The following TKTL1 variants were observed in gnomAD, a reference collection of about 807,000 sequenced individuals.
TKTL1 encodes the protein transketolase-like protein 1.
TKTL1 carries 1 observed loss-of-function variant against 39.3 expected under a neutral mutation model. The ratio of observed to expected loss-of-function variants is 0.03; its 90% CI spans 0.01 to 0.12. TKTL1 has a LOEUF of 0.12. Ranked by LOEUF, TKTL1 falls within the 10% of genes least tolerant of loss-of-function variation. The pLI, the probability that TKTL1 is intolerant of heterozygous loss-of-function variation, is 1.00. For synonymous variants in TKTL1, 262 were observed against 193.8 expected (o/e 1.35, Z -2.92); for missense variants, 575 against 509.6 (o/e 1.13, Z -1.24).
chrX:154,296,262 G>T (rs1449823328), intron 1 of TKTL1, among the ~76,000 whole-genome samples: 1 of 111,434 alleles, frequency 9.0e-6, no homozygotes, highest in Admixed American at 9.6e-5. Context: ...CAAAGTTCTG[G>T]AGGTCGCCAA....
At position 154,323,389 on chromosome X, in the gene TKTL1, T is replaced by C. The variant is rs1557171314; in HGVS notation, c.1317+52T>C. 7 of 1,174,558 alleles carry C rather than the reference T, an allele frequency of 6.0e-6. 1 individual carries two copies. The South Asian group carries it at 1.1e-4, about 19-fold the overall frequency. On this transcript the variant is annotated intron_variant, in intron 9 of 12. Coordinates refer to ENST00000369915, the MANE Select transcript of TKTL1 (RefSeq NM_012253.4). ...GACAGAAAATGCTTCTGGACTCTGC[T>C]AGTTTCATACTGATGATTGGACTTT... is the stretch of plus-strand genomic sequence containing the variant.
rs370502079 is a variant in TKTL1, at chrX:154,295,825, G to A, written c.-35G>A. The A allele has an allele frequency of 1.6e-5, 19 of 1,199,081 alleles. No individual in the cohort carries two copies. The highest frequency in any genetic ancestry group is 5.3e-5 in the African/African-American group (3 of 56,818). ...TCGCTCTTCAGACGCCGGAGACGTA[G>A]GAGTGGGTCTTCAGACTCCAAAGGG... On this transcript the variant is annotated 5_prime_UTR_variant, in exon 1 of 13. Transcript: ENST00000369915.
intron 7 of TKTL1, among the ~76,000 whole-genome samples, chrX:154,316,111 C>T (rs1471899213): frequency 1.8e-5 from 2 of 111,970 alleles, no homozygotes; most frequent in Non-Finnish European, 3.8e-5. Flanking sequence ...AAGTCTCGCT[C>T]TGTCGCCCAG....
intron 2 of TKTL1, 57 bp from the exon 3 acceptor site, chrX:154,309,288 C>T: frequency 2.0e-6 from 2 of 1,025,420 alleles, no homozygotes; most frequent in Non-Finnish European, 2.8e-6. Context: ...TGCGTGAGTC[C>T]ACCTGATACC....
At chrX:154,304,958 A>T in intron 1 of TKTL1, 1 of 955,348 alleles carries the variant, frequency 1.0e-6, no homozygotes, top group Non-Finnish European at 1.4e-6. Context: ...TCTTCATGGC[A>T]TTTCTGATTC....
intron 9 of TKTL1, among the ~76,000 whole-genome samples, chrX:154,324,844 C>T (rs140625617): frequency 0.027 from 3,058 of 112,059 alleles, 126 homozygotes; most frequent in African/African-American, 0.094. Context: ...ATACTTTAGA[C>T]ATACAAGTGT....
In TKTL1 at chrX:154,314,643, G is replaced by A. The variant is rs781899095; in HGVS notation, c.865-530G>A. Among the ~76,000 whole-genome samples the A allele has an allele frequency of 3.6e-5, 4 of 111,008 alleles. No homozygotes were observed. In the East Asian group the frequency reaches 1.1e-3, roughly 31 times the overall value. On this transcript the variant is annotated intron_variant, in intron 6 of 12. Coordinates refer to ENST00000369915, the MANE Select transcript of TKTL1 (RefSeq NM_012253.4). ...GGATTCAAGCGATTCTCCTGCCTCA[G>A]CCTCCCAAGTAGCTAGGATTACAGG...
At chrX:154,328,780 C>G (rs1246590019) in intron 12 of TKTL1, among the ~76,000 whole-genome samples, 2 of 109,914 alleles carry the variant, frequency 1.8e-5, no homozygotes, top group Non-Finnish European at 1.9e-5. Flanking sequence ...CCTGATCTCT[C>G]GAAGGACTCC....
At chrX:154,322,959 A>G (rs1557171179) in intron 8 of TKTL1, among the ~76,000 whole-genome samples, 1 of 112,231 alleles carries the variant, frequency 8.9e-6, no homozygotes, top group Non-Finnish European at 1.9e-5. Flanking sequence ...GATCCATCTG[A>G]AAAGTCAGCT....
chrX:154,303,590 T>A (rs2067292418), intron 1 of TKTL1, among the ~76,000 whole-genome samples: 1 of 104,150 alleles, frequency 9.6e-6, no homozygotes, highest in Admixed American at 1.1e-4. Flanking sequence ...TCCTCACACC[T>A]CCTGCGTTTG....
intron 7 of TKTL1, among the ~76,000 whole-genome samples, chrX:154,317,969 A>T (rs1230945097): frequency 8.9e-6 from 1 of 112,583 alleles, no homozygotes; most frequent in Non-Finnish European, 1.9e-5. Flanking sequence ...GCTGGGCAGT[A>T]GATCAGTCAG....
intron 1 of TKTL1, among the ~76,000 whole-genome samples, chrX:154,297,579 T>G (rs1400168805): frequency 2.7e-5 from 3 of 111,609 alleles, no homozygotes; most frequent in Non-Finnish European, 5.7e-5. Flanking sequence ...TGTTGTAGTA[T>G]TTGCTTTTGG....
chrX:154,295,910 CA>C lies in TKTL1; in HGVS notation c.52del (p.Arg18GlyfsTer48). ...AGTTCCCGGAGGAGGCCAGACCTGA[CA>C]GGGGCACCTTGCAGGTGTTGCAAGA... ...AEFPEEARPDRGTLQVLQDMA... is the reference protein window; with the variant it reads ...AEFPEEARPDXGTLQVLQDMA... On this transcript the variant is annotated frameshift_variant, in exon 1 of 13. Transcript: ENST00000369915. LOFTEE classifies it high-confidence loss of function. 8.3e-7 allele frequency: 1 copy of C among 1,211,852 alleles called. No individual in the cohort carries two copies. Among genetic ancestry groups the C allele is most frequent in the Non-Finnish European group, 1.1e-6 (1 of 895,344 alleles).
chrX:154,308,164 A>G (rs1211854837), intron 2 of TKTL1, among the ~76,000 whole-genome samples: 1 of 111,834 alleles, frequency 8.9e-6, no homozygotes, highest in Admixed American at 9.5e-5. Flanking sequence ...ATCAAGTAAA[A>G]GTGGAGGAGG....
In TKTL1 at chrX:154,305,118, A is replaced by AG. The variant is rs782438016; in HGVS notation, c.135-182dup. On this transcript the variant is annotated intron_variant, in intron 1 of 12. Transcript: ENST00000369915. The stretch of plus-strand genomic sequence containing the variant: ...AGCTGGCCTCACTGTGCACAGGGGG[A>AG]GGGGTGGTGAGCTTACCGGGCTTTA... 111 of 1,148,322 alleles carry AG rather than the reference A, an allele frequency of 9.7e-5. 2 individuals are homozygous for AG. The South Asian group carries it at 9.8e-4, about 10-fold the overall frequency. The allele number at this position is 1,148,322 out of a possible 1,213,427, so 94.6% of individuals were successfully genotyped here. A position where few individuals can be genotyped will look rare whatever the true frequency, so the allele number is the denominator to read the frequency against.
intron 2 of TKTL1, among the ~76,000 whole-genome samples, chrX:154,308,710 C>T (rs1214622908): frequency 9.1e-6 from 1 of 109,884 alleles, no homozygotes; most frequent in East Asian, 2.9e-4. Flanking sequence ...CAGAGGGCCA[C>T]ATTTTCTGCT....
At chrX:154,325,288 T>C (rs2067485078) in intron 9 of TKTL1, 51 bp from the exon 10 acceptor site, 1 of 1,117,006 alleles carries the variant, frequency 9.0e-7, no homozygotes, top group African/African-American at 1.8e-5. Context: ...ACGTCTGTTG[T>C]TGGAAATTCA....
At chrX:154,315,555 A>G (rs782734543) in intron 7 of TKTL1, among the ~76,000 whole-genome samples, 24 of 111,515 alleles carry the variant, frequency 2.2e-4, no homozygotes, top group African/African-American at 7.5e-4. Context: ...GGAGTCTCCA[A>G]GTTGGCTGAG....
chrX:154,310,248 G>A (rs1557168045), intron 3 of TKTL1, among the ~76,000 whole-genome samples: 1 of 110,478 alleles, frequency 9.1e-6, no homozygotes, highest in African/African-American at 3.3e-5. Flanking sequence ...CCTGAGGTCA[G>A]GAGTTCGAGA....
Sources: allele counts gnomAD v4.1 joint callset (sites outside exome capture counted in the v4.1 genomes callset), GRCh38; gene constraint gnomAD v4.1.1; transcripts MANE v1.5; gene names NCBI Gene and HGNC (gene_info 2026-07-23, HGNC 2026-07-21).